Variants in RIBC2 observed in about 807,000 individuals in gnomAD.
RIBC2 encodes the protein RIB43A-like with coiled-coils protein 2.
Under a neutral mutation model 44.3 loss-of-function variants are expected in RIBC2, and 40 were observed. That is an observed-to-expected ratio of 0.90 (90% CI 0.70 to 1.18). The LOEUF is 1.18. Among genes scored for constraint, RIBC2 ranks in the 50% most tolerant of loss-of-function variants. The pLI, the probability that RIBC2 is intolerant of heterozygous loss-of-function variation, is 0.00. For synonymous variants in RIBC2, 171 were observed against 175.0 expected (o/e 0.98, Z 0.18); for missense variants, 459 against 485.5 (o/e 0.95, Z 0.51).
chr22:45,421,307 ACT>A (rs1268101347), intron 3 of RIBC2, among the ~76,000 whole-genome samples: 1 of 80,290 alleles, frequency 1.2e-5, no homozygotes, highest in Non-Finnish European at 2.0e-5. Flanking sequence ...TAATAATAAT[ACT>A]ATTATTATTA....
intron 1 of RIBC2, 112 bp downstream of exon 1, chr22:45,414,127 A>T (rs1044122675): frequency 1.1e-4 from 160 of 1,488,996 alleles, no homozygotes; most frequent in Non-Finnish European, 1.4e-4. Context: ...AGGAGGCAGC[A>T]AACGGCCTCC....
chr22:45,422,229 C>T, intron 3 of RIBC2, 61 bp from the exon 4 acceptor site: 1 of 1,226,694 alleles, frequency 8.2e-7, no homozygotes, highest in East Asian at 2.3e-5. Flanking sequence ...GCACGAACGG[C>T]CACACGTGGG....
chr22:45,413,787 T>C lies in RIBC2; in HGVS notation c.-100T>C, dbSNP rs2087387387. On this transcript the variant is annotated 5_prime_UTR_variant, in exon 1 of 7. Transcript: ENST00000614167. The stretch of plus-strand genomic sequence containing the variant: ...CTGCGCTAAAGGCTTGTCTTTCCCC[T>C]GCCCGACCGAAGGAGCCGACCTTGC... 22 of 1,444,414 alleles carry C rather than the reference T, an allele frequency of 1.5e-5. No individual in the cohort carries two copies. Among genetic ancestry groups the C allele is most frequent in the Non-Finnish European group, 2.0e-5 (22 of 1,084,642 alleles). The allele number at this position is 1,444,414 out of a possible 1,614,324, so 89.5% of individuals were successfully genotyped here.
chr22:45,414,077 G>A (rs1602108514), intron 1 of RIBC2, 62 bp downstream of exon 1: 2 of 1,540,748 alleles, frequency 1.3e-6, no homozygotes, highest in East Asian at 2.5e-5. Context: ...GCTGCGTGGA[G>A]GGGGAAAGGA....
At chr22:45,425,850 C>G in intron 4 of RIBC2, 98 bp from the exon 5 acceptor site, 1 of 1,011,850 alleles carries the variant, frequency 9.9e-7, no homozygotes. Flanking sequence ...CTTAGCATAT[C>G]CTCCCCTCGA....
chr22:45,430,826 G>A (rs2087572461), intron 5 of RIBC2, 74 bp from the exon 6 acceptor site: 1 of 1,440,112 alleles, frequency 6.9e-7, no homozygotes, highest in Admixed American at 2.8e-5. Context: ...TGAGAGGCCA[G>A]GCCTCCTAGA....
chr22:45,431,155 G>T, intron 6 of RIBC2, 89 bp downstream of exon 6: 1 of 1,437,624 alleles, frequency 7.0e-7, no homozygotes, highest in Non-Finnish European at 9.4e-7. Context: ...GGGGGCAGGA[G>T]GGGAAACACC....
chr22:45,414,462 T>A, intron 2 of RIBC2, 59 bp downstream of exon 2: 1 of 1,197,660 alleles, frequency 8.3e-7, no homozygotes, highest in Non-Finnish European at 1.2e-6. Context: ...TAGACTCCAG[T>A]CTTCCCCACC....
rs1394417837 is a variant in RIBC2, at chr22:45,417,786, A to G, written c.396A>G (p.Ser132=). The G allele has an allele frequency of 6.2e-7, 1 of 1,614,098 alleles. No individual in the cohort carries two copies. Among genetic ancestry groups the G allele is most frequent in the Admixed American group, 1.7e-5 (1 of 59,998 alleles). The change falls in exon 3 of 7, where the codon TCA becomes TCG. Residue 132 remains serine, a synonymous_variant. Transcript: ENST00000614167. ...AGAAAGATCTTCCAGCCCGGCAGTC[A>G]GATAATGATGTTCGGAATACGATAT... ...ALKKDLPARQ[S]DNDVRNTISG...
intron 2 of RIBC2, 85 bp downstream of exon 2, chr22:45,414,488 CTT>C (rs1378118815): frequency 1.2e-4 from 81 of 700,470 alleles, no homozygotes; most frequent in Non-Finnish European, 1.4e-4. Context: ...CCTGCCCCGC[CTT>C]TTTTTTTTTA....
In RIBC2 at chr22:45,417,639, A is replaced by G. The variant is rs1169231769; in HGVS notation, c.249A>G (p.Ile83Met). The change falls in exon 3 of 7, where the codon ATA (isoleucine) becomes ATG (methionine). Residue 83 changes from isoleucine (I) to methionine (M), a missense_variant. By Grantham distance (10) the Ile-to-Met change is conservative. Transcript: ENST00000614167. ...EMRQNDKIMC[I>M]LENRKKRDRK... The stretch of plus-strand genomic sequence containing the variant: ...GGCAAAATGACAAAATCATGTGCAT[A>G]TTGGAAAACCGGAAAAAGAGGGATA... 1.2e-6 allele frequency: 2 copies of G among 1,613,674 alleles called. No individual in the cohort carries two copies. The highest frequency in any genetic ancestry group is 1.7e-6 in the Non-Finnish European group (2 of 1,179,660).
chr22:45,418,169 A>G (rs1355420501), intron 3 of RIBC2: 4 of 423,150 alleles, frequency 9.5e-6, no homozygotes, highest in African/African-American at 3.9e-5. Context: ...CAGGAGGGAA[A>G]CACCTGCAAT....
intron 1 of RIBC2, 49 bp downstream of exon 1, chr22:45,414,064 G>T (rs1349941445): frequency 6.5e-7 from 1 of 1,545,188 alleles, no homozygotes; most frequent in Non-Finnish European, 8.8e-7. Flanking sequence ...ATGCGGGCGA[G>T]GGGCTGCGTG....
At chr22:45,415,438 C>T (rs1394514672) in intron 2 of RIBC2, among the ~76,000 whole-genome samples, 1 of 151,826 alleles carries the variant, frequency 6.6e-6, no homozygotes, top group Non-Finnish European at 1.5e-5. Context: ...ATGTTCTAAA[C>T]ATTTTATCTT....
intron 5 of RIBC2, among the ~76,000 whole-genome samples, chr22:45,426,382 A>G (rs933548767): frequency 6.6e-6 from 1 of 152,224 alleles, no homozygotes; most frequent in Admixed American, 6.5e-5. Flanking sequence ...GCCAAGATAG[A>G]GGACAGTAGA....
At chr22:45,416,899 G>GTTT (rs34961526) in intron 2 of RIBC2, among the ~76,000 whole-genome samples, 6 of 120,638 alleles carry the variant, frequency 5.0e-5, no homozygotes, top group Admixed American at 8.6e-5. Flanking sequence ...GATTACTCAG[G>GTTT]TTTTTTTTTT....
At chr22:45,429,023 C>T (rs2087556709) in intron 5 of RIBC2, among the ~76,000 whole-genome samples, 1 of 152,128 alleles carries the variant, frequency 6.6e-6, no homozygotes, top group South Asian at 2.1e-4. Flanking sequence ...GGAAAAGTGG[C>T]GGCCAGCAGA....
intron 5 of RIBC2, among the ~76,000 whole-genome samples, chr22:45,427,493 G>C (rs2087544323): frequency 6.6e-6 from 1 of 152,188 alleles, no homozygotes; most frequent in Admixed American, 6.5e-5. Context: ...TACTAAAGAA[G>C]AACGAAAAAT....
chr22:45,420,359 AC>A (rs1398062791), intron 3 of RIBC2, among the ~76,000 whole-genome samples: 2 of 151,468 alleles, frequency 1.3e-5, no homozygotes, highest in East Asian at 3.9e-4. Flanking sequence ...GCTTCCCCTG[AC>A]CCCCCTATTT....
Sources: allele counts gnomAD v4.1 joint callset (sites outside exome capture counted in the v4.1 genomes callset), GRCh38; gene constraint gnomAD v4.1.1; transcripts MANE v1.5; gene names NCBI Gene and HGNC (gene_info 2026-07-23, HGNC 2026-07-21).